CFAP61: variants seen among roughly 807,000 people sequenced by gnomAD.
CFAP61 encodes the protein cilia and flagella associated protein 61, also known as cilia- and flagella-associated protein 61.
Under a neutral mutation model 135.6 loss-of-function variants are expected in CFAP61, and 107 were observed. The ratio of observed to expected loss-of-function variants is 0.79; its 90% confidence interval spans 0.67 to 0.93. CFAP61 has a LOEUF of 0.93. Ranked by LOEUF, CFAP61 falls within the 40% of genes least tolerant of loss-of-function variation. The probability of loss-of-function intolerance (pLI) is 0.00; values close to 1 mark genes in which losing one functional copy is unlikely to be tolerated. For missense variants in CFAP61, 1,507 were observed against 1,556.2 expected (o/e 0.97, Z 0.53); for synonymous variants, 575 against 578.5 (o/e 0.99, Z 0.09).
intron 3 of CFAP61, 35 bp downstream of exon 3, chr20:20,071,039 C>G (rs1263340867): frequency 3.1e-6 from 5 of 1,602,692 alleles, no homozygotes; most frequent in Non-Finnish European, 4.3e-6. Context: ...TTAGAACACC[C>G]TGAATCTTGA....
chr20:20,156,932 C>T (rs1352072815), intron 9 of CFAP61, among the ~76,000 whole-genome samples: 1 of 152,072 alleles, frequency 6.6e-6, no homozygotes, highest in Admixed American at 6.5e-5. Context: ...GGTAAAATCC[C>T]AATCACATTT....
chr20:20,056,087 C>A, intron 1 of CFAP61: 1 of 1,108,876 alleles, frequency 9.0e-7, no homozygotes, highest in Non-Finnish European at 1.3e-6. Context: ...TATTATGGAA[C>A]CTCTCAAAGA....
At chr20:20,208,511 CCTAA>C (rs1483936547) in intron 17 of CFAP61, among the ~76,000 whole-genome samples, 1 of 152,232 alleles carries the variant, frequency 6.6e-6, no homozygotes, top group Admixed American at 6.5e-5. Flanking sequence ...CTTGTCTCTT[CCTAA>C]CTCTCGTGCC....
intron 8 of CFAP61, among the ~76,000 whole-genome samples, chr20:20,112,423 A>AGATTTCAC (rs2048861530): frequency 6.6e-6 from 1 of 152,112 alleles, no homozygotes; most frequent in Admixed American, 6.6e-5. Flanking sequence ...ATGCATTTCA[A>AGATTTCAC]CATATCTAAT....
At chr20:20,264,935 G>A (rs930622151) in intron 21 of CFAP61, among the ~76,000 whole-genome samples, 2 of 152,182 alleles carry the variant, frequency 1.3e-5, no homozygotes, top group African/African-American at 2.4e-5. Context: ...TATGGTCTCT[G>A]TTGCAACTCT....
chr20:20,099,054 A>G lies in CFAP61; in HGVS notation c.859+240A>G, dbSNP rs191570392. 2.0e-5 allele frequency among the ~76,000 whole-genome samples: 3 copies of G among 152,056 alleles called. No homozygotes were observed. The East Asian group carries it at 5.8e-4, about 30-fold the overall frequency. ...GGGCCTTAGGGCTCCCACATTCAGG[A>G]TGCTCACTTCTTGAATGTTCATTGC... On this transcript the variant is annotated intron_variant, in intron 8 of 26. Coordinates refer to ENST00000245957, the MANE Select transcript of CFAP61 (RefSeq NM_015585.4).
intron 20 of CFAP61, among the ~76,000 whole-genome samples, chr20:20,254,155 TCTCCC>T (rs759901689): frequency 0.4 from 1,131 of 2,844 alleles, 432 homozygotes; most frequent in South Asian, 0.68. Flanking sequence ...TCTCCATTCT[TCTCCC>T]CTCCCCTCCC....
At chr20:20,327,793 A>AAAAAC (rs2057814669) in intron 25 of CFAP61, among the ~76,000 whole-genome samples, 1 of 80,584 alleles carries the variant, frequency 1.2e-5, no homozygotes, top group Non-Finnish European at 2.2e-5. Context: ...AAAAAAAAAA[A>AAAAAC]AAAAAAAAAA....
rs903891044 is a variant in CFAP61, at chr20:20,343,808, A to T, written c.3513+1887A>T. Among the ~76,000 whole-genome samples, 3 of 152,310 alleles carry T rather than the reference A, an allele frequency of 2.0e-5. No homozygotes were observed. The East Asian group carries it at 5.8e-4, about 29-fold the overall frequency. ...CAGGGGGTTTTAGTCTTAAAGCTTA[A>T]AAGGGAAGCCATGGAAACTGTCAAG... On this transcript the variant is annotated intron_variant, in intron 26 of 26. Coordinates refer to ENST00000245957, the MANE Select transcript of CFAP61 (RefSeq NM_015585.4).
At position 20,162,717 on chromosome 20, in the gene CFAP61, C is replaced by T. The variant is rs377282572; in HGVS notation, c.1027-1333C>T. ...AAGGAAGCTCATATATTATCTCAAA[C>T]GCCTGATCATTTGGAAAATAATAGT... On this transcript the variant is annotated intron_variant, in intron 10 of 26. Transcript: ENST00000245957. 4.8e-4 allele frequency among the ~76,000 whole-genome samples: 73 copies of T among 152,258 alleles called. No homozygotes were observed. The South Asian group carries it at 0.013, about 28-fold the overall frequency.
chr20:20,190,790 CT>C lies in CFAP61; in HGVS notation c.1513-550del, dbSNP rs558566588. Among the ~76,000 whole-genome samples the C allele has an allele frequency of 7.9e-5, 12 of 152,170 alleles. No individual in the cohort carries two copies. In the South Asian group the frequency reaches 2.3e-3, roughly 29 times the overall value. On this transcript the variant is annotated intron_variant, in intron 14 of 26. Transcript: ENST00000245957. ...AAAGCCAGTTTCACTAAGGAATATC[CT>C]TGATGAAGCAGTAAAATTATTAAGT...
At chr20:20,219,062 C>T (rs868032899) in intron 17 of CFAP61, among the ~76,000 whole-genome samples, 1 of 152,150 alleles carries the variant, frequency 6.6e-6, no homozygotes, top group Non-Finnish European at 1.5e-5. Flanking sequence ...ATTCAAATCC[C>T]ATTAAGCCAA....
intron 25 of CFAP61, among the ~76,000 whole-genome samples, chr20:20,328,370 T>G (rs1000216276): frequency 2.6e-5 from 4 of 152,210 alleles, no homozygotes; most frequent in African/African-American, 4.8e-5. Flanking sequence ...CAAGACTTGC[T>G]TCTAAGCTCT....
chr20:20,306,021 A>G (rs2056450778), intron 25 of CFAP61, among the ~76,000 whole-genome samples: 1 of 152,182 alleles, frequency 6.6e-6, no homozygotes, highest in African/African-American at 2.4e-5. Context: ...ACTGGACACA[A>G]TATGTGTCTG....
chr20:20,084,882 C>T (rs957264034), intron 6 of CFAP61, among the ~76,000 whole-genome samples: 3 of 152,144 alleles, frequency 2.0e-5, no homozygotes, highest in African/African-American at 7.2e-5. Flanking sequence ...TTTCACATGG[C>T]ACAGTTTTCA....
Position 20,277,247 on chromosome 20 carries a change from GCA to G in CFAP61, c.2586_2587del (p.Ile863ProfsTer45). 6.2e-7 allele frequency: 1 copy of G among 1,613,636 alleles called. No homozygotes were observed. Among genetic ancestry groups the G allele is most frequent in the Non-Finnish European group, 8.5e-7 (1 of 1,179,886 alleles). On this transcript the variant is annotated frameshift_variant, in exon 22 of 27. Transcript: ENST00000245957. LOFTEE classifies it high-confidence loss of function. ...TTAAACCTTGGCGTGAGCGGCAGCC[GCA>G]TCCACCTCGTGCAGCCCCCGCCCGC...
chr20:20,106,555 G>A (rs2048420843), intron 8 of CFAP61, among the ~76,000 whole-genome samples: 1 of 152,180 alleles, frequency 6.6e-6, no homozygotes. Context: ...ATTTTTGTAT[G>A]GGGCCTGGAG....
chr20:20,156,795 A>T (rs2052946327), intron 9 of CFAP61, among the ~76,000 whole-genome samples: 2 of 152,218 alleles, frequency 1.3e-5, no homozygotes. Flanking sequence ...CTGACGAAAG[A>T]TATTCAAGAC....
intron 9 of CFAP61, among the ~76,000 whole-genome samples, chr20:20,144,243 A>G (rs1308553054): frequency 2.0e-5 from 3 of 152,238 alleles, no homozygotes; most frequent in African/African-American, 4.8e-5. Context: ...TATATTATGC[A>G]TAAGGTGGAG....
Sources: gnomAD v4.1 joint callset for allele counts (sites outside exome capture counted in the v4.1 genomes callset) on GRCh38, gnomAD v4.1.1 for gene constraint, MANE v1.5 for transcripts, NCBI Gene and HGNC (gene_info 2026-07-23, HGNC 2026-07-21) for gene names.